Variants in FAM120B observed in about 807,000 individuals in gnomAD.
The protein encoded by FAM120B is family with sequence similarity 120 member B, also known as constitutive coactivator of peroxisome proliferator-activated receptor gamma.
Under a neutral mutation model 96.3 loss-of-function variants are expected in FAM120B, and 83 were observed. The ratio of observed to expected loss-of-function variants is 0.86; its 90% confidence interval spans 0.72 to 1.03. The LOEUF is 1.03. FAM120B is among the 50% of genes least tolerant of loss of function. The pLI is 0.00. For missense variants in FAM120B, 1,027 were observed against 1,121.2 expected (o/e 0.92, Z 1.20); for synonymous variants, 407 against 402.7 (o/e 1.01, Z -0.13).
chr6:170,324,694 A>G (rs529173550), intron 3 of FAM120B, among the ~76,000 whole-genome samples: 5 of 152,334 alleles, frequency 3.3e-5, no homozygotes, highest in East Asian at 1.9e-4. Context: ...ACATAAAAAA[A>G]CCATTCACAT....
At chr6:170,344,146 A>G (rs1248009146) in intron 4 of FAM120B, among the ~76,000 whole-genome samples, 4 of 133,796 alleles carry the variant, frequency 3.0e-5, no homozygotes, top group Non-Finnish European at 4.7e-5. Flanking sequence ...CTCGTTCCTG[A>G]GCAGCCCCAC....
intron 9 of FAM120B, among the ~76,000 whole-genome samples, chr6:170,403,711 A>G (rs1273458812): frequency 6.6e-6 from 1 of 152,168 alleles, no homozygotes; most frequent in East Asian, 1.9e-4. Flanking sequence ...TAAATTCCAC[A>G]GTCCATAGCT....
intron 5 of FAM120B, among the ~76,000 whole-genome samples, chr6:170,349,625 A>G (rs1787443850): frequency 6.6e-6 from 1 of 152,254 alleles, no homozygotes; most frequent in South Asian, 2.1e-4. Flanking sequence ...TGAGTAGATT[A>G]CTTCTTTATT....
intron 6 of FAM120B, among the ~76,000 whole-genome samples, chr6:170,382,849 G>A (rs1789991315): frequency 6.6e-6 from 1 of 152,010 alleles, no homozygotes; most frequent in Non-Finnish European, 1.5e-5. Flanking sequence ...AAATAATCTT[G>A]AAAAAGAAAA....
intron 7 of FAM120B, among the ~76,000 whole-genome samples, chr6:170,390,176 G>A (rs1034739343): frequency 1.3e-5 from 2 of 152,160 alleles, no homozygotes; most frequent in African/African-American, 2.4e-5. Context: ...CTTTCATAGC[G>A]GAGAGAACAC....
At chr6:170,360,803 C>T (rs996342277) in intron 6 of FAM120B, among the ~76,000 whole-genome samples, 1 of 152,034 alleles carries the variant, frequency 6.6e-6, no homozygotes, top group Non-Finnish European at 1.5e-5. Context: ...AAGTGAGTTT[C>T]GTTCATCTCC....
chr6:170,389,078 G>T (rs1211934777), intron 7 of FAM120B, among the ~76,000 whole-genome samples: 1 of 152,040 alleles, frequency 6.6e-6, no homozygotes, highest in Non-Finnish European at 1.5e-5. Context: ...AAGAGGGGTG[G>T]GTCTTGCTGC....
At chr6:170,392,352 C>T (rs41269641) in intron 8 of FAM120B, among the ~76,000 whole-genome samples, 13,094 of 152,158 alleles carry the variant, frequency 0.086, 734 homozygotes, top group Non-Finnish European at 0.12. Flanking sequence ...GGACTACAGG[C>T]TTGTGCCACC....
intron 6 of FAM120B, among the ~76,000 whole-genome samples, chr6:170,374,373 C>T (rs779057329): frequency 4.6e-5 from 7 of 152,166 alleles, no homozygotes; most frequent in Non-Finnish European, 1.0e-4. Context: ...TGACAGAAGT[C>T]GGTGTATTTA....
chr6:170,341,336 G>A (rs182006881), intron 4 of FAM120B, among the ~76,000 whole-genome samples: 4 of 152,246 alleles, frequency 2.6e-5, no homozygotes, highest in East Asian at 1.9e-4. Flanking sequence ...AATGGCAGAC[G>A]CCCCTCCCCC....
intron 4 of FAM120B, among the ~76,000 whole-genome samples, chr6:170,341,601 T>C (rs1238409742): frequency 6.6e-6 from 1 of 152,158 alleles, no homozygotes; most frequent in African/African-American, 2.4e-5. Flanking sequence ...AGTTTTGTGC[T>C]TGAAACCCAG....
intron 1 of FAM120B, 62 bp from the exon 2 acceptor site, chr6:170,317,308 G>T: frequency 7.6e-7 from 1 of 1,312,768 alleles, no homozygotes; most frequent in South Asian, 1.4e-5. Flanking sequence ...TGTTTGCTTT[G>T]AAAGGTGCCA....
intron 3 of FAM120B, among the ~76,000 whole-genome samples, chr6:170,325,016 G>A (rs548540649): frequency 1.6e-4 from 25 of 152,268 alleles, no homozygotes; most frequent in African/African-American, 3.1e-4. Flanking sequence ...AGGAGAAAAC[G>A]GTTAAAAATT....
intron 2 of FAM120B, among the ~76,000 whole-genome samples, chr6:170,319,716 G>C (rs1014417347): frequency 1.3e-5 from 2 of 152,228 alleles, no homozygotes; most frequent in Non-Finnish European, 2.9e-5. Context: ...ACTGGAGCCA[G>C]ACCTTAATGG....
At chr6:170,312,255 G>A (rs749467542) in intron 1 of FAM120B, among the ~76,000 whole-genome samples, 4 of 152,002 alleles carry the variant, frequency 2.6e-5, no homozygotes, top group Non-Finnish European at 5.9e-5. Context: ...TTTTTGATCA[G>A]ATTTTTTTAC....
chr6:170,341,608 C>A (rs541014125), intron 4 of FAM120B, among the ~76,000 whole-genome samples: 6 of 152,230 alleles, frequency 3.9e-5, no homozygotes, highest in African/African-American at 1.4e-4. Flanking sequence ...TGCTTGAAAC[C>A]CAGGGCCCTG....
At chr6:170,387,707 A>G (rs1188196641) in intron 6 of FAM120B, among the ~76,000 whole-genome samples, 1 of 152,230 alleles carries the variant, frequency 6.6e-6, no homozygotes, top group Non-Finnish European at 1.5e-5. Flanking sequence ...TACATAAGCC[A>G]TTTTATTCTT....
At chr6:170,345,331 C>T (rs1473033511) in intron 4 of FAM120B, among the ~76,000 whole-genome samples, 10 of 152,316 alleles carry the variant, frequency 6.6e-5, no homozygotes, top group South Asian at 2.1e-4. Flanking sequence ...AGGCTGGGCA[C>T]GGTGACTCAT....
chr6:170,296,790 G>C (rs1191253846), intron 1 of FAM120B, among the ~76,000 whole-genome samples: 1 of 152,118 alleles, frequency 6.6e-6, no homozygotes, highest in Non-Finnish European at 1.5e-5. Flanking sequence ...CCCTCGGTAC[G>C]GGCCCCCTGC....
Sources: gnomAD v4.1 joint callset for allele counts (sites outside exome capture counted in the v4.1 genomes callset) on GRCh38, gnomAD v4.1.1 for gene constraint, MANE v1.5 for transcripts, NCBI Gene and HGNC (gene_info 2026-07-23, HGNC 2026-07-21) for gene names.